SEPTIN9: variants seen among roughly 807,000 people sequenced by gnomAD.
The protein encoded by SEPTIN9 is septin 9, also known as septin-9.
SEPTIN9 carries 13 observed loss-of-function variants against 56.6 expected under a neutral mutation model. The ratio of observed to expected loss-of-function variants is 0.23; its 90% CI spans 0.15 to 0.37. The LOEUF is 0.37. Ranked by LOEUF, SEPTIN9 falls within the 10% of genes least tolerant of loss-of-function variation. SEPTIN9 has a pLI of 1.00. For missense variants in SEPTIN9, 650 were observed against 823.1 expected, an observed-to-expected ratio of 0.79 and a Z score of 2.57; for synonymous variants, 332 against 334.1, an observed-to-expected ratio of 0.99 and a Z score of 0.07.
intron 3 of SEPTIN9, among the ~76,000 whole-genome samples, chr17:77,478,850 C>A (rs1344884393): frequency 3.3e-5 from 5 of 151,432 alleles, no homozygotes; most frequent in South Asian, 4.2e-4. Flanking sequence ...TTTGACTCAG[C>A]CGTAAAGAGG....
At chr17:77,415,476 G>A (rs146686522) in intron 3 of SEPTIN9, among the ~76,000 whole-genome samples, 27 of 152,108 alleles carry the variant, frequency 1.8e-4, no homozygotes, top group African/African-American at 6.5e-4. Context: ...GTGTGGTGGC[G>A]TGTACCTGTA....
rs1443078943 is a variant in SEPTIN9 at position 77,326,816 on chromosome 17, G to A, written c.76+19619G>A. ...GTAGGGGAGAGGGGCTGAAGGTTAA[G>A]CAGATCATCAGCGGCCAATGATTGA... On this transcript the variant is annotated intron_variant, in intron 2 of 11. Coordinates refer to ENST00000427177, the MANE Select transcript of SEPTIN9 (RefSeq NM_001113491.2). The surrounding 1 kb of genome is among the most constrained non-coding windows in gnomAD (Gnocchi z 5.1). Among the ~76,000 whole-genome samples the A allele has an allele frequency of 4.6e-5, 7 of 152,138 alleles. No homozygotes were observed. Among genetic ancestry groups the A allele is most frequent in the African/African-American group, 1.7e-4 (7 of 41,426 alleles).
At position 77,316,519 on chromosome 17, in the gene SEPTIN9, C is replaced by T. The variant is rs1327784327; in HGVS notation, c.76+9322C>T. Among the ~76,000 whole-genome samples the T allele has an allele frequency of 6.6e-5, 10 of 152,164 alleles. No homozygotes were observed. In the East Asian group the frequency reaches 1.7e-3, roughly 26 times the overall value. On this transcript the variant is annotated intron_variant, in intron 2 of 11. Coordinates refer to ENST00000427177, the MANE Select transcript of SEPTIN9 (RefSeq NM_001113491.2). ...GCCGTCAAACCCATAGTGTGCACAGCGTGCAGGAGGTGGCTGGGTGAATGA... is the reference window on the plus strand; with the variant it reads ...GCCGTCAAACCCATAGTGTGCACAGTGTGCAGGAGGTGGCTGGGTGAATGA...
At chr17:77,287,419 C>T (rs200223752) in intron 1 of SEPTIN9, among the ~76,000 whole-genome samples, 7 of 152,330 alleles carry the variant, frequency 4.6e-5, no homozygotes, top group East Asian at 3.9e-4. Flanking sequence ...GTGAGCTGCC[C>T]GTCTCCCTGA....
rs753361601 is a variant in SEPTIN9, at chr17:77,419,518, C to T, written c.721+16815C>T. Reference sequence around the variant, plus strand: ...TCAGGGGACCCCAGCGCTGTACCTGCGACCCAGCTGACCCCTCCCCCTTCC... The same window carrying T: ...TCAGGGGACCCCAGCGCTGTACCTGTGACCCAGCTGACCCCTCCCCCTTCC... On this transcript the variant is annotated intron_variant, in intron 3 of 11. Transcript: ENST00000427177. Among the ~76,000 whole-genome samples, 56 of 151,716 alleles carry T rather than the reference C, an allele frequency of 3.7e-4. 1 individual carries two copies. The highest frequency in any genetic ancestry group is 3.5e-3 in the Middle Eastern group (1 of 288).
chr17:77,282,870 G>A (rs1598456724), intron 1 of SEPTIN9, among the ~76,000 whole-genome samples: 1 of 152,188 alleles, frequency 6.6e-6, no homozygotes, highest in East Asian at 1.9e-4. Context: ...GGGATCGCGC[G>A]GTGCATGGCC....
chr17:77,495,657 C>G (rs527270411), intron 10 of SEPTIN9, among the ~76,000 whole-genome samples: 10 of 152,318 alleles, frequency 6.6e-5, no homozygotes, highest in African/African-American at 2.2e-4. Context: ...CCTGAGAGCC[C>G]CATTCTTCCT....
rs1193940379 is a variant in SEPTIN9 at position 77,488,333 on chromosome 17, C to G, written c.1124+12C>G. ...AACAACGAGAACTGGTGAGGCCCCTCCAGGGGGAGGAGCACTAGCGGGGGC... is the reference window on the plus strand; with the variant it reads ...AACAACGAGAACTGGTGAGGCCCCTGCAGGGGGAGGAGCACTAGCGGGGGC... On this transcript the variant is annotated intron_variant, in intron 6 of 11. Coordinates refer to ENST00000427177, the MANE Select transcript of SEPTIN9 (RefSeq NM_001113491.2). 2 of 1,610,172 alleles carry G rather than the reference C, an allele frequency of 1.2e-6. No individual in the cohort carries two copies. Among genetic ancestry groups the G allele is most frequent in the Non-Finnish European group, 1.7e-6 (2 of 1,176,876 alleles).
chr17:77,491,328 G>A lies in SEPTIN9; in HGVS notation c.1380+469G>A, dbSNP rs116922110. 1.0e-3 allele frequency among the ~76,000 whole-genome samples: 152 copies of A among 152,122 alleles called. 2 individuals are homozygous for A. The East Asian group carries it at 0.028, about 28-fold the overall frequency. The stretch of plus-strand genomic sequence containing the variant: ...ACCTCCCAGGCTCAGTCCCCGAGTA[G>A]CTGGAATTACAGACGCACACCACCA... On this transcript the variant is annotated intron_variant, in intron 8 of 11. Transcript: ENST00000427177.
intron 2 of SEPTIN9, among the ~76,000 whole-genome samples, chr17:77,355,825 A>G (rs2034213573): frequency 1.3e-5 from 2 of 151,504 alleles, no homozygotes; most frequent in Admixed American, 6.6e-5. Flanking sequence ...TACTAAAAAT[A>G]CAAAAAATTA....
chr17:77,466,080 ACACACACACACACACACACACACACACG>A (rs1363654817), intron 3 of SEPTIN9, among the ~76,000 whole-genome samples: 2 of 150,970 alleles, frequency 1.3e-5, no homozygotes, highest in Non-Finnish European at 3.0e-5. Context: ...ACACACACAC[ACACACACACACACACACACACACACACG>A]AGTAAACTGT....
chr17:77,351,255 ACACACACACACACAC>A (rs1279868714), intron 2 of SEPTIN9, among the ~76,000 whole-genome samples: 77 of 146,620 alleles, frequency 5.3e-4, no homozygotes, highest in African/African-American at 1.8e-3. Context: ...ACACACACAC[ACACACACACACACAC>A]GAGTCAGGGG....
rs943630191 is a variant in SEPTIN9, at chr17:77,334,659, A to G, written c.76+27462A>G. Among the ~76,000 whole-genome samples the G allele has an allele frequency of 2.6e-5, 4 of 152,220 alleles. No homozygotes were observed. In the East Asian group the frequency reaches 5.8e-4, roughly 22 times the overall value. On this transcript the variant is annotated intron_variant, in intron 2 of 11. Transcript: ENST00000427177. Reference sequence around the variant, plus strand: ...ACCTATGGAGGAAATCTTTGCCTACACTAAGGTCAAAAGAAGTTCTCTTAT... The same window carrying G: ...ACCTATGGAGGAAATCTTTGCCTACGCTAAGGTCAAAAGAAGTTCTCTTAT...
intron 4 of SEPTIN9, chr17:77,482,832 A>G: frequency 6.1e-6 from 3 of 488,160 alleles, no homozygotes; most frequent in Non-Finnish European, 7.4e-6. Context: ...TCACCACGGG[A>G]GGTCGTCGAT....
chr17:77,487,366 G>A lies in SEPTIN9; in HGVS notation c.914-58G>A. 1 of 1,553,188 alleles carries A rather than the reference G, an allele frequency of 6.4e-7. No homozygotes were observed. The highest frequency in any genetic ancestry group is 1.2e-5 in the South Asian group (1 of 84,400). Reference sequence around the variant, plus strand: ...TGCCTGGGTGGGAGGGGCCCCATGTGCAGACCCTGCTGGTCTCTCCGGAGA... The same window carrying A: ...TGCCTGGGTGGGAGGGGCCCCATGTACAGACCCTGCTGGTCTCTCCGGAGA... On this transcript the variant is annotated intron_variant, in intron 4 of 11. Transcript: ENST00000427177. This position sits in a 1 kb window ranked among gnomAD's most constrained non-coding sequence, Gnocchi z 4.3.
intron 3 of SEPTIN9, among the ~76,000 whole-genome samples, chr17:77,431,194 A>G (rs1289724108): frequency 6.6e-6 from 1 of 152,184 alleles, no homozygotes; most frequent in Non-Finnish European, 1.5e-5. Flanking sequence ...CTGTAGTCCC[A>G]GCTCCTCAGG....
At chr17:77,356,670 C>CCCCCTCCCCCT (rs2034256336) in intron 2 of SEPTIN9, among the ~76,000 whole-genome samples, 1 of 5,764 alleles carries the variant, frequency 1.7e-4, no homozygotes, top group African/African-American at 8.5e-4. Context: ...TGCTTTCCCT[C>CCCCCTCCCCCT]CCCCTCCCCT....
intron 4 of SEPTIN9, chr17:77,482,622 C>T: frequency 1.6e-6 from 1 of 637,820 alleles, no homozygotes; most frequent in Non-Finnish European, 2.8e-6. Context: ...TGGTCGCTGC[C>T]TCTGAGCAAT....
Position 77,492,745 on chromosome 17 carries a change from C to T in SEPTIN9, c.1476+29C>T, listed in dbSNP as rs2040084175. The T allele has an allele frequency of 1.3e-6, 2 of 1,592,550 alleles. No individual in the cohort carries two copies. Among genetic ancestry groups the T allele is most frequent in the Non-Finnish European group, 1.7e-6 (2 of 1,160,546 alleles). On this transcript the variant is annotated intron_variant, in intron 9 of 11. Coordinates refer to ENST00000427177, the MANE Select transcript of SEPTIN9 (RefSeq NM_001113491.2). This position sits in a 1 kb window ranked among gnomAD's most constrained non-coding sequence, Gnocchi z 5.4. ...AGTGGATCCACTAGGATGTTGTTCC[C>T]AGGGGACCCCCAGTTCCTGCTGAAG...
Sources: gnomAD v4.1 joint callset for allele counts (sites outside exome capture counted in the v4.1 genomes callset) on GRCh38, gnomAD v4.1.1 for gene constraint, Gnocchi (gnomAD v3.1) non-coding constraint, MANE v1.5 for transcripts, NCBI Gene and HGNC (gene_info 2026-07-23, HGNC 2026-07-21) for gene names.